Variants in HYCC1 observed in about 807,000 individuals in gnomAD.
HYCC1 encodes the protein hyccin.
the HYCC1 span, chr7:22,978,243 T>C: frequency 6.2e-7 from 1 of 1,608,630 alleles, no homozygotes; most frequent in Non-Finnish European, 8.5e-7. Flanking sequence ...TCAAAAAAGA[T>C]TTTGTTAACT....
At chr7:22,964,312 A>G in the HYCC1 span, 70 of 742,556 alleles carry the variant, frequency 9.4e-5, no homozygotes, top group Non-Finnish European at 1.5e-4. Context: ...AAAAGTATGC[A>G]AATCACTTAT....
the HYCC1 span, among the ~76,000 whole-genome samples, chr7:22,979,106 T>A: frequency 6.6e-6 from 1 of 152,206 alleles, no homozygotes; most frequent in African/African-American, 2.4e-5. Context: ...CTATTTATTA[T>A]ATATATCCAA....
At chr7:23,007,343 C>G in the HYCC1 span, among the ~76,000 whole-genome samples, 1 of 152,086 alleles carries the variant, frequency 6.6e-6, no homozygotes, top group Non-Finnish European at 1.5e-5. Context: ...ACTTTGTGTA[C>G]TTTATTGATG....
chr7:22,962,144 G>C, the HYCC1 span, among the ~76,000 whole-genome samples: 2 of 152,132 alleles, frequency 1.3e-5, no homozygotes, highest in South Asian at 2.1e-4. Context: ...CTTCCACATA[G>C]CCGGAACCCT....
At chr7:22,927,621 C>A in the HYCC1 span, among the ~76,000 whole-genome samples, 1 of 152,130 alleles carries the variant, frequency 6.6e-6, no homozygotes, top group Non-Finnish European at 1.5e-5. Context: ...TACACTCTCC[C>A]AAGACTAAAC....
chr7:22,957,789 A>G, the HYCC1 span, among the ~76,000 whole-genome samples: 1 of 152,000 alleles, frequency 6.6e-6, no homozygotes, highest in Non-Finnish European at 1.5e-5. Flanking sequence ...ATGTATTTTC[A>G]TACAGCCATA....
At chr7:22,987,512 C>T in the HYCC1 span, among the ~76,000 whole-genome samples, 2 of 152,340 alleles carry the variant, frequency 1.3e-5, no homozygotes, top group African/African-American at 4.8e-5. Flanking sequence ...TGTGCCACTG[C>T]ACTCCAGCTT....
the HYCC1 span, among the ~76,000 whole-genome samples, chr7:22,973,231 C>A: frequency 6.6e-6 from 1 of 152,226 alleles, no homozygotes; most frequent in Non-Finnish European, 1.5e-5. Flanking sequence ...ACTTACTTAT[C>A]ACCACAGTTC....
At chr7:22,897,348 C>T in the HYCC1 span, among the ~76,000 whole-genome samples, 1 of 152,090 alleles carries the variant, frequency 6.6e-6, no homozygotes, top group South Asian at 2.1e-4. Context: ...AGAGGAGTTA[C>T]GTGATCTGAT....
the HYCC1 span, chr7:22,976,212 T>C: frequency 0.35 from 559,776 of 1,595,058 alleles, 99,736 homozygotes; most frequent in East Asian, 0.48. Flanking sequence ...TACTTTACCT[T>C]GAACAAATTT....
At chr7:22,959,048 C>T in the HYCC1 span, among the ~76,000 whole-genome samples, 1 of 152,056 alleles carries the variant, frequency 6.6e-6, no homozygotes, top group African/African-American at 2.4e-5. Context: ...GTAATCTAGC[C>T]CCATTCAGTA....
chr7:22,983,647 G>A, the HYCC1 span: 27 of 340,266 alleles, frequency 7.9e-5, no homozygotes, highest in African/African-American at 2.5e-4. Flanking sequence ...TAGCATAGCC[G>A]ATGGCTCATA....
chr7:22,914,542 C>T, the HYCC1 span, among the ~76,000 whole-genome samples: 4 of 152,070 alleles, frequency 2.6e-5, no homozygotes, highest in Non-Finnish European at 5.9e-5. Context: ...GAAAATGGCA[C>T]TTTTGATTTC....
At chr7:22,919,400 G>C in the HYCC1 span, among the ~76,000 whole-genome samples, 1 of 152,020 alleles carries the variant, frequency 6.6e-6, no homozygotes, top group Non-Finnish European at 1.5e-5. Context: ...GTGGTGGCAC[G>C]TGCCTGTAAT....
the HYCC1 span, among the ~76,000 whole-genome samples, chr7:22,982,426 C>A: frequency 6.6e-6 from 1 of 152,080 alleles, no homozygotes; most frequent in East Asian, 1.9e-4. Flanking sequence ...ATTCTATACC[C>A]CCTCCAAAAG....
At chr7:22,971,281 T>C in the HYCC1 span, among the ~76,000 whole-genome samples, 1 of 148,332 alleles carries the variant, frequency 6.7e-6, no homozygotes, top group Non-Finnish European at 1.5e-5. Context: ...TCAGATAATA[T>C]ATTTATATAT....
chr7:22,970,005 G>C, the HYCC1 span, among the ~76,000 whole-genome samples: 1 of 149,968 alleles, frequency 6.7e-6, no homozygotes, highest in South Asian at 2.1e-4. Flanking sequence ...AGTTACTGTT[G>C]TTATTATACA....
chr7:22,956,414 T>C, the HYCC1 span, among the ~76,000 whole-genome samples: 293 of 151,964 alleles, frequency 1.9e-3, 2 homozygotes, highest in African/African-American at 6.5e-3. Context: ...TCTCAAAGAT[T>C]TAAACACAAA....
the HYCC1 span, among the ~76,000 whole-genome samples, chr7:22,904,044 A>G: frequency 1.3e-5 from 2 of 152,216 alleles, no homozygotes; most frequent in Admixed American, 1.3e-4. Flanking sequence ...ATAAAACAAA[A>G]TCAAGAAAAT....
Sources: allele counts gnomAD v4.1 joint callset (sites outside exome capture counted in the v4.1 genomes callset), GRCh38; gene constraint gnomAD v4.1.1; transcripts MANE v1.5; gene names NCBI Gene and HGNC (gene_info 2026-07-23, HGNC 2026-07-21).